The following RELN variants were observed in gnomAD, a reference collection of about 807,000 sequenced individuals.
The protein encoded by RELN is reelin.
A neutral mutation model predicts 427.6 loss-of-function variants in RELN; 108 were observed. The observed-to-expected ratio is 0.25, with a 90% confidence interval of 0.22 to 0.30. The LOEUF (loss-of-function observed/expected upper bound fraction) is 0.30. Ranked by LOEUF, RELN falls within the 10% of genes least tolerant of loss-of-function variation. The probability of loss-of-function intolerance (pLI) is 1.00; values close to 1 mark genes in which losing one functional copy is unlikely to be tolerated. For missense variants in RELN, 3,715 were observed against 4,302.8 expected (o/e 0.86, Z 3.82); for synonymous variants, 1,524 against 1,513.4 (o/e 1.01, Z -0.16).
At chr7:103,509,850 CAAA>C (rs986258522) in intron 51 of RELN, among the ~76,000 whole-genome samples, 11 of 152,080 alleles carry the variant, frequency 7.2e-5, no homozygotes, top group African/African-American at 2.6e-4. Context: ...AGACACTTCT[CAAA>C]AGAAGACATT....
chr7:103,970,293 C>A (rs1293761922), intron 1 of RELN, among the ~76,000 whole-genome samples: 1 of 151,880 alleles, frequency 6.6e-6, no homozygotes, highest in Non-Finnish European at 1.5e-5. Flanking sequence ...CAGGCACATA[C>A]CACCATGCCG....
chr7:103,576,250 G>A (rs937224958), intron 28 of RELN, among the ~76,000 whole-genome samples: 1 of 151,974 alleles, frequency 6.6e-6, no homozygotes, highest in Non-Finnish European at 1.5e-5. Context: ...AAAAATTCTC[G>A]TGCTTCAGCC....
intron 1 of RELN, among the ~76,000 whole-genome samples, chr7:103,967,920 A>G (rs188982146): frequency 6.6e-6 from 1 of 152,208 alleles, no homozygotes; most frequent in African/African-American, 2.4e-5. Context: ...GGCCCAGGCC[A>G]CTTTCCTGTC....
chr7:103,796,840 CAGGCAACAGGGCA>C (rs1227097231), intron 3 of RELN, among the ~76,000 whole-genome samples: 1 of 131,494 alleles, frequency 7.6e-6, no homozygotes, highest in Non-Finnish European at 1.5e-5. Context: ...CAGCCCAGCC[CAGGCAACAGGGCA>C]AGAGAGCTAG....
chr7:103,959,298 G>A (rs150710838), intron 1 of RELN, among the ~76,000 whole-genome samples: 61 of 152,142 alleles, frequency 4.0e-4, no homozygotes, highest in African/African-American at 1.4e-3. Context: ...TAATGAATTC[G>A]CATGGATTTC....
At chr7:103,491,513 C>A (rs1199923661) in intron 58 of RELN, among the ~76,000 whole-genome samples, 1 of 151,942 alleles carries the variant, frequency 6.6e-6, no homozygotes, top group African/African-American at 2.4e-5. Flanking sequence ...TAAAAATATG[C>A]ACGAACTACC....
chr7:103,654,560 G>A (rs1832987271), intron 12 of RELN, among the ~76,000 whole-genome samples: 2 of 152,032 alleles, frequency 1.3e-5, no homozygotes, highest in Non-Finnish European at 2.9e-5. Context: ...AGGTTTTTAT[G>A]ACCAAAGTTC....
intron 2 of RELN, among the ~76,000 whole-genome samples, chr7:103,916,477 G>C (rs1248898146): frequency 6.6e-6 from 1 of 152,132 alleles, no homozygotes; most frequent in Non-Finnish European, 1.5e-5. Flanking sequence ...GGGTAAACTA[G>C]AGATTCCTAA....
chr7:103,782,366 T>C (rs979971982), intron 3 of RELN, among the ~76,000 whole-genome samples: 2 of 152,102 alleles, frequency 1.3e-5, no homozygotes, highest in African/African-American at 4.8e-5. Context: ...CAGAACACAG[T>C]TAGGTGCCAC....
Position 103,472,666 on chromosome 7 carries a change from G to T in RELN, c.*146C>A. The T allele has an allele frequency of 5.9e-6, 4 of 680,676 alleles. No homozygotes were observed. The South Asian group carries it at 6.7e-5, about 11-fold the overall frequency. The allele number at this position is 680,676 out of a possible 1,614,324, so 42.2% of individuals were successfully genotyped here. A position where few individuals can be genotyped will look rare whatever the true frequency, so the allele number is the denominator to read the frequency against. ...TCATTAGTTCACAGTGTGGGAAAGT[G>T]GTGTACACTCGGTCTTGAGAAGGGC... On this transcript the variant is annotated 3_prime_UTR_variant, in exon 65 of 65. Transcript: ENST00000428762.
intron 4 of RELN, among the ~76,000 whole-genome samples, chr7:103,773,134 T>TTCTTTCTC (rs1207907748): frequency 4.7e-4 from 46 of 98,514 alleles, no homozygotes; most frequent in Admixed American, 7.8e-4. Flanking sequence ...CTTTCTTTCT[T>TTCTTTCTC]TCTTTCTTTC....
chr7:103,983,190 T>A (rs1326494819), intron 1 of RELN, among the ~76,000 whole-genome samples: 1 of 152,144 alleles, frequency 6.6e-6, no homozygotes, highest in Non-Finnish European at 1.5e-5. Flanking sequence ...TTTGTACTGA[T>A]CCCCCTGCCA....
At chr7:103,596,365 G>A in intron 25 of RELN, 91 bp downstream of exon 25, 1 of 1,117,470 alleles carries the variant, frequency 8.9e-7, no homozygotes, top group South Asian at 1.3e-5. Flanking sequence ...GTCTATTTTT[G>A]CAACAGTTAA....
intron 2 of RELN, among the ~76,000 whole-genome samples, chr7:103,881,514 T>C (rs1368255873): frequency 6.6e-6 from 1 of 152,136 alleles, no homozygotes; most frequent in African/African-American, 2.4e-5. Flanking sequence ...TGCCCCTTTA[T>C]GTCATTGACC....
At chr7:103,596,406 C>A in intron 25 of RELN, 50 bp downstream of exon 25, 1 of 1,478,762 alleles carries the variant, frequency 6.8e-7, no homozygotes, top group Non-Finnish European at 9.4e-7. Flanking sequence ...AATGATTTAA[C>A]CTTTACCATT....
chr7:103,617,365 A>C (rs1368682703), intron 20 of RELN, among the ~76,000 whole-genome samples: 2 of 152,074 alleles, frequency 1.3e-5, no homozygotes, highest in African/African-American at 4.8e-5. Context: ...ACAAGTTTAA[A>C]ACTTTTAAGT....
chr7:103,710,331 G>A (rs1407395906), intron 8 of RELN, among the ~76,000 whole-genome samples: 1 of 152,146 alleles, frequency 6.6e-6, no homozygotes, highest in Non-Finnish European at 1.5e-5. Context: ...AGAAGAAGCT[G>A]AGTTGGAAAT....
chr7:103,902,808 G>T (rs1165108400), intron 2 of RELN, among the ~76,000 whole-genome samples: 1 of 152,054 alleles, frequency 6.6e-6, no homozygotes, highest in East Asian at 1.9e-4. Context: ...GTCTTTATTG[G>T]ACTCCTACAT....
chr7:103,519,282 G>T, intron 49 of RELN, 41 bp downstream of exon 49: 1 of 1,486,354 alleles, frequency 6.7e-7, no homozygotes. Flanking sequence ...AGCAATCTCT[G>T]CTCGATGTAC....
Sources: allele counts gnomAD v4.1 joint callset (sites outside exome capture counted in the v4.1 genomes callset), GRCh38; gene constraint gnomAD v4.1.1; transcripts MANE v1.5; gene names NCBI Gene and HGNC (gene_info 2026-07-23, HGNC 2026-07-21).